PCDH15: variants seen among roughly 807,000 people sequenced by gnomAD.
PCDH15 encodes the protein protocadherin related 15.
Under a neutral mutation model 178.5 loss-of-function variants are expected in PCDH15, and 129 were observed. The observed-to-expected ratio is 0.72, with a 90% CI of 0.63 to 0.84. The LOEUF is 0.84. PCDH15 is among the 40% of genes least tolerant of loss of function. The pLI, the probability that PCDH15 is intolerant of heterozygous loss-of-function variation, is 0.00. For synonymous variants in PCDH15, 800 were observed against 732.0 expected (o/e 1.09, Z -1.50); for missense variants, 2,230 against 2,099.9 (o/e 1.06, Z -1.21).
At chr10:55,134,765 G>C (rs1434148778) in intron 2 of PCDH15, among the ~76,000 whole-genome samples, 1 of 152,166 alleles carries the variant, frequency 6.6e-6, no homozygotes, top group East Asian at 1.9e-4. Context: ...AGTTTTCCAT[G>C]ATCAGCTCAG....
rs59215914 is a variant in PCDH15, at chr10:54,454,904, T to G, written c.157+72908A>C. On this transcript the variant is annotated intron_variant, in intron 3 of 37. Transcript: ENST00000644397. The stretch of plus-strand genomic sequence containing the variant: ...CTGTGTCCCCACCCATATATCATCT[T>G]GAATTGTAATTCCCATAATCCCCAT... 8.9e-3 allele frequency among the ~76,000 whole-genome samples: 1,349 copies of G among 152,298 alleles called. 15 individuals carry two copies. Among genetic ancestry groups the G allele is most frequent in the African/African-American group, 0.029 (1,210 of 41,574 alleles).
intron 2 of PCDH15, among the ~76,000 whole-genome samples, chr10:55,360,269 T>C (rs1053504198): frequency 7.2e-5 from 11 of 151,978 alleles, no homozygotes; most frequent in African/African-American, 2.7e-4. Flanking sequence ...ATTGTGTGTA[T>C]ATGATAAAAT....
intron 18 of PCDH15, among the ~76,000 whole-genome samples, chr10:54,051,128 C>T (rs1161327672): frequency 6.6e-6 from 1 of 152,170 alleles, no homozygotes; most frequent in African/African-American, 2.4e-5. Context: ...ATCCCCGTCT[C>T]GAGTATGTCT....
chr10:55,094,333 T>A (rs543172926), intron 2 of PCDH15, among the ~76,000 whole-genome samples: 1 of 151,882 alleles, frequency 6.6e-6, no homozygotes, highest in African/African-American at 2.4e-5. Context: ...TAGGTGGGAA[T>A]TGAACACTGA....
At chr10:54,382,097 G>T (rs1009623307) in intron 3 of PCDH15, among the ~76,000 whole-genome samples, 1 of 152,026 alleles carries the variant, frequency 6.6e-6, no homozygotes, top group African/African-American at 2.4e-5. Context: ...AATATTTATT[G>T]ACATTTTCAA....
chr10:55,061,076 A>G (rs971576942), intron 2 of PCDH15, among the ~76,000 whole-genome samples: 1 of 152,186 alleles, frequency 6.6e-6, no homozygotes, highest in African/African-American at 2.4e-5. Flanking sequence ...TTGATGAACT[A>G]TACTATATTG....
intron 8 of PCDH15, among the ~76,000 whole-genome samples, chr10:54,303,580 T>C (rs1446342326): frequency 3.3e-5 from 5 of 152,076 alleles, no homozygotes. Context: ...AGTAAGATAC[T>C]CTGCAATGTA....
chr10:54,914,256 T>C (rs925898967), intron 2 of PCDH15, among the ~76,000 whole-genome samples: 3 of 152,100 alleles, frequency 2.0e-5, no homozygotes, highest in Admixed American at 6.5e-5. Context: ...GTTGTTCTCA[T>C]GATAGGGAGT....
chr10:54,030,923 T>C (rs1210565197), intron 18 of PCDH15, among the ~76,000 whole-genome samples: 1 of 151,962 alleles, frequency 6.6e-6, no homozygotes, highest in Non-Finnish European at 1.5e-5. Flanking sequence ...CCAGCTTTAC[T>C]CTATCTTGTC....
At chr10:54,237,395 A>G (rs547956146) in intron 8 of PCDH15, among the ~76,000 whole-genome samples, 3 of 152,254 alleles carry the variant, frequency 2.0e-5, no homozygotes, top group African/African-American at 7.2e-5. Flanking sequence ...ATTTCATAAA[A>G]ATAAAAGTCA....
chr10:54,477,498 G>A (rs1266042066), intron 3 of PCDH15, among the ~76,000 whole-genome samples: 9 of 152,206 alleles, frequency 5.9e-5, no homozygotes, highest in Non-Finnish European at 1.0e-4. Context: ...TGAGATCAGT[G>A]AGTATGTGTT....
At chr10:54,512,442 G>C (rs544882132) in intron 3 of PCDH15, among the ~76,000 whole-genome samples, 1 of 148,088 alleles carries the variant, frequency 6.8e-6, no homozygotes, top group East Asian at 2.0e-4. Flanking sequence ...CCAATTAACT[G>C]TACATACAAT....
intron 2 of PCDH15, among the ~76,000 whole-genome samples, chr10:54,627,445 G>A (rs1021952938): frequency 6.6e-6 from 1 of 152,026 alleles, no homozygotes; most frequent in African/African-American, 2.4e-5. Flanking sequence ...GAGATCTGAT[G>A]GTTTTAAAAA....
chr10:55,389,582 T>C (rs1397438633), intron 2 of PCDH15, among the ~76,000 whole-genome samples: 1 of 152,104 alleles, frequency 6.6e-6, no homozygotes, highest in Non-Finnish European at 1.5e-5. Flanking sequence ...TATTCATATA[T>C]CTCATATTAA....
intron 8 of PCDH15, among the ~76,000 whole-genome samples, chr10:54,289,186 A>T (rs1475206452): frequency 6.6e-6 from 1 of 152,118 alleles, no homozygotes; most frequent in African/African-American, 2.4e-5. Flanking sequence ...AGGCAGCAAT[A>T]TTTGCTGTTC....
chr10:54,589,968 T>C (rs374975046), intron 2 of PCDH15, among the ~76,000 whole-genome samples: 2 of 152,172 alleles, frequency 1.3e-5, no homozygotes, highest in African/African-American at 4.8e-5. Context: ...ATATATACCA[T>C]GGCAATGAGC....
chr10:54,777,499 A>G (rs954967946), intron 1 of PCDH15, among the ~76,000 whole-genome samples: 9 of 152,202 alleles, frequency 5.9e-5, no homozygotes, highest in Admixed American at 1.3e-4. Flanking sequence ...GATTTCAAGG[A>G]TATGAGGCGC....
At chr10:54,128,810 A>T (rs949309696) in intron 15 of PCDH15, among the ~76,000 whole-genome samples, 1 of 152,180 alleles carries the variant, frequency 6.6e-6, no homozygotes, top group African/African-American at 2.4e-5. Context: ...TAGTCAATTC[A>T]TATTTCTCTA....
chr10:54,385,492 T>C (rs764268746), intron 3 of PCDH15, among the ~76,000 whole-genome samples: 3 of 152,150 alleles, frequency 2.0e-5, no homozygotes, highest in Non-Finnish European at 4.4e-5. Context: ...AGTGGGCAAG[T>C]ATTAAGACTA....
Sources: allele counts gnomAD v4.1 joint callset (sites outside exome capture counted in the v4.1 genomes callset), GRCh38; gene constraint gnomAD v4.1.1; transcripts MANE v1.5; gene names NCBI Gene and HGNC (gene_info 2026-07-23, HGNC 2026-07-21).